The following LRP12 variants were observed in gnomAD, a reference collection of about 807,000 sequenced individuals.
LRP12 encodes low-density lipoprotein receptor-related protein 12.
LRP12 carries 14 observed loss-of-function variants against 66.0 expected under a neutral mutation model. That is an observed-to-expected ratio of 0.21 (90% CI 0.14 to 0.33). The LOEUF (loss-of-function observed/expected upper bound fraction) is 0.33. LRP12 is among the 10% of genes least tolerant of loss of function. The pLI is 1.00. For missense variants in LRP12, 889 were observed against 1,053.4 expected (o/e 0.84, Z 2.16); for synonymous variants, 357 against 359.1 (o/e 0.99, Z 0.07).
chr8:104,584,096 T>C (rs1186629844), intron 1 of LRP12, among the ~76,000 whole-genome samples: 1 of 151,932 alleles, frequency 6.6e-6, no homozygotes, highest in Non-Finnish European at 1.5e-5. Flanking sequence ...AAAATGGGAA[T>C]AAATAATGTA....
At chr8:104,576,145 T>C (rs754868212) in intron 1 of LRP12, among the ~76,000 whole-genome samples, 25 of 152,164 alleles carry the variant, frequency 1.6e-4, no homozygotes, top group African/African-American at 2.7e-4. Flanking sequence ...CCACAACTCA[T>C]TGGTGTCTCT....
intron 1 of LRP12, among the ~76,000 whole-genome samples, chr8:104,567,677 C>T (rs1812026297): frequency 6.6e-6 from 1 of 152,162 alleles, no homozygotes; most frequent in Non-Finnish European, 1.5e-5. Flanking sequence ...TATGCACCAA[C>T]AATGATAATC....
chr8:104,547,865 T>C (rs899229692), intron 1 of LRP12, among the ~76,000 whole-genome samples: 1 of 129,384 alleles, frequency 7.7e-6, no homozygotes, highest in Non-Finnish European at 1.5e-5. Flanking sequence ...GTATATAATA[T>C]ACAATTCTGT....
chr8:104,559,149 G>A (rs2140886018), intron 1 of LRP12, among the ~76,000 whole-genome samples: 1 of 152,232 alleles, frequency 6.6e-6, no homozygotes, highest in East Asian at 1.9e-4. Context: ...AAAGATACTT[G>A]CACATGCATA....
At position 104,490,043 on chromosome 8, in the gene LRP12, T is replaced by C. The variant is rs1416332631; in HGVS notation, c.*630A>G. The C allele has an allele frequency of 6.6e-6, 1 of 152,650 alleles. No homozygotes were observed. The highest frequency in any genetic ancestry group is 2.4e-5 in the African/African-American group (1 of 41,468). 9.5% of individuals were successfully genotyped at this position (152,650 alleles called of 1,614,324 possible). On this transcript the variant is annotated 3_prime_UTR_variant, in exon 7 of 7. Transcript: ENST00000276654. ...ATTAAAGTCAACATTAGAAAATCTT[T>C]ATAAAAGAGTTTTGTTTTTGCCAGT...
intron 1 of LRP12, among the ~76,000 whole-genome samples, chr8:104,574,083 A>T (rs1259194359): frequency 2.6e-5 from 4 of 152,188 alleles, no homozygotes; most frequent in East Asian, 3.8e-4. Flanking sequence ...GCATTATACT[A>T]AATATGTTTT....
intron 3 of LRP12, chr8:104,507,070 A>G (rs1810921289): frequency 6.6e-6 from 1 of 152,140 alleles, no homozygotes; most frequent in Non-Finnish European, 1.5e-5. Flanking sequence ...AATATTTCCT[A>G]ATACTGACTC....
At chr8:104,583,962 C>T (rs2140902695) in intron 1 of LRP12, among the ~76,000 whole-genome samples, 1 of 152,028 alleles carries the variant, frequency 6.6e-6, no homozygotes, top group Admixed American at 6.5e-5. Flanking sequence ...GTAAGAATTC[C>T]CTAAGCTAAT....
intron 1 of LRP12, among the ~76,000 whole-genome samples, chr8:104,541,506 T>C (rs1811475611): frequency 6.6e-6 from 1 of 152,204 alleles, no homozygotes; most frequent in South Asian, 2.1e-4. Flanking sequence ...TATTGAAAGA[T>C]ATTTTATATC....
At chr8:104,528,768 G>A (rs58114675) in intron 2 of LRP12, among the ~76,000 whole-genome samples, 1,832 of 149,716 alleles carry the variant, frequency 0.012, 34 homozygotes, top group African/African-American at 0.043. Flanking sequence ...GAGAGAGTGA[G>A]ACTCCATCTC....
At chr8:104,537,045 A>C (rs149161878) in intron 1 of LRP12, among the ~76,000 whole-genome samples, 7 of 151,922 alleles carry the variant, frequency 4.6e-5, no homozygotes, top group African/African-American at 1.7e-4. Context: ...GCTGTGAACA[A>C]TTAAGAAAAC....
chr8:104,547,358 G>A (rs1446523523), intron 1 of LRP12, among the ~76,000 whole-genome samples: 1 of 106,242 alleles, frequency 9.4e-6, no homozygotes, highest in Admixed American at 9.5e-5. Context: ...GTTATATTTT[G>A]TATATAATAT....
At chr8:104,519,264 T>C (rs1445716999) in intron 2 of LRP12, among the ~76,000 whole-genome samples, 4 of 152,022 alleles carry the variant, frequency 2.6e-5, no homozygotes, top group South Asian at 2.1e-4. Context: ...AGTCAACATT[T>C]TGAGGATGGA....
At chr8:104,586,644 T>C (rs1485523213) in intron 1 of LRP12, among the ~76,000 whole-genome samples, 6 of 152,202 alleles carry the variant, frequency 3.9e-5, no homozygotes, top group Non-Finnish European at 7.3e-5. Context: ...CAATTCCCAC[T>C]ATTGTTATAG....
intron 1 of LRP12, among the ~76,000 whole-genome samples, chr8:104,583,257 T>C: frequency 6.6e-6 from 1 of 152,166 alleles, no homozygotes; most frequent in Admixed American, 6.5e-5. Context: ...GGATTCTAAA[T>C]CCTAGAGTTT....
At chr8:104,493,755 G>A (rs1810675606) in intron 6 of LRP12, among the ~76,000 whole-genome samples, 1 of 152,194 alleles carries the variant, frequency 6.6e-6, no homozygotes, top group Non-Finnish European at 1.5e-5. Context: ...AGGCCTGGGT[G>A]AGCTTTCCTG....
At chr8:104,535,170 GTT>G (rs1564138110) in intron 1 of LRP12, among the ~76,000 whole-genome samples, 1 of 151,832 alleles carries the variant, frequency 6.6e-6, no homozygotes, top group East Asian at 1.9e-4. Context: ...TCAGAAAATA[GTT>G]TGTTATAACA....
chr8:104,581,061 A>G (rs1812242146), intron 1 of LRP12, among the ~76,000 whole-genome samples: 1 of 152,236 alleles, frequency 6.6e-6, no homozygotes, highest in African/African-American at 2.4e-5. Flanking sequence ...AGACTGGATA[A>G]AGAAAACGTG....
At chr8:104,554,014 G>T (rs918401776) in intron 1 of LRP12, among the ~76,000 whole-genome samples, 2 of 152,100 alleles carry the variant, frequency 1.3e-5, no homozygotes, top group African/African-American at 4.8e-5. Context: ...TGGGTGGCTA[G>T]ACCCACAAAT....
Sources: allele counts gnomAD v4.1 joint callset (sites outside exome capture counted in the v4.1 genomes callset), GRCh38; gene constraint gnomAD v4.1.1; transcripts MANE v1.5; gene names NCBI Gene and HGNC (gene_info 2026-07-23, HGNC 2026-07-21).